Variants in EAPP observed in about 807,000 individuals in gnomAD.
EAPP encodes E2F-associated phosphoprotein.
A neutral mutation model predicts 34.3 loss-of-function variants in EAPP; 38 were observed. The ratio of observed to expected loss-of-function variants is 1.11; its 90% confidence interval spans 0.85 to 1.45. The LOEUF is 1.45. EAPP is among the 40% of genes most tolerant of loss of function. EAPP has a pLI of 0.00. For synonymous variants in EAPP, 113 were observed against 117.6 expected, an observed-to-expected ratio of 0.96 and a Z score of 0.25; for missense variants, 338 against 343.7, an observed-to-expected ratio of 0.98 and a Z score of 0.13.
intron 5 of EAPP, among the ~76,000 whole-genome samples, chr14:34,518,325 A>ATTTT (rs71404852): frequency 0.033 from 2,431 of 74,076 alleles, 550 homozygotes; most frequent in African/African-American, 0.11. Flanking sequence ...CTCCCTTTAG[A>ATTTT]TTTTTTTTTT....
chr14:34,524,253 G>C (rs919634646), intron 5 of EAPP, among the ~76,000 whole-genome samples: 2 of 152,156 alleles, frequency 1.3e-5, no homozygotes, highest in Non-Finnish European at 2.9e-5. Context: ...AGCCGGGTGT[G>C]GTGGCAGGCA....
chr14:34,538,721 T>C (rs922478539), intron 1 of EAPP, among the ~76,000 whole-genome samples: 2 of 152,220 alleles, frequency 1.3e-5, no homozygotes, highest in African/African-American at 4.8e-5. Context: ...CCAGCCAAAG[T>C]TGTTAATGAA....
In EAPP at chr14:34,525,801, C is replaced by T. The variant is rs984276522; in HGVS notation, c.471-994G>A. 5.3e-5 allele frequency among the ~76,000 whole-genome samples: 8 copies of T among 151,726 alleles called. No homozygotes were observed. In the East Asian group the frequency reaches 7.7e-4, roughly 15 times the overall value. On this transcript the variant is annotated intron_variant, in intron 4 of 5. Transcript: ENST00000250454. ...TTGGGAGGCCGAGGCGGGCGGATCA[C>T]GAAGTCAAGAGATCAAGACCATCCT...
Position 34,516,582 on chromosome 14 carries a change from C to T in EAPP, c.586G>A (p.Glu196Lys), listed in dbSNP as rs1371535885. ...TTLCLDCQRHESYKTQYRAMF... is the reference protein window; with the variant it reads ...TTLCLDCQRHKSYKTQYRAMF... Reference sequence around the variant, plus strand: ...GCTCTATATTGAGTTTTGTATGATTCATGCCTAAGAGAAAAATGAAATGGA... The same window carrying T: ...GCTCTATATTGAGTTTTGTATGATTTATGCCTAAGAGAAAAATGAAATGGA... Residue 196 changes from glutamate to lysine, a missense_variant, in exon 6 of 6, where the codon GAA becomes AAA. Transcript: ENST00000250454. 1.9e-6 allele frequency: 3 copies of T among 1,602,094 alleles called. No individual in the cohort carries two copies. The highest frequency in any genetic ancestry group is 2.6e-6 in the Non-Finnish European group (3 of 1,175,662).
intron 5 of EAPP, among the ~76,000 whole-genome samples, chr14:34,523,141 G>T (rs1879972114): frequency 6.6e-6 from 1 of 152,016 alleles, no homozygotes; most frequent in Non-Finnish European, 1.5e-5. Context: ...GGATACTGGT[G>T]GTGATAGCTT....
intron 4 of EAPP, among the ~76,000 whole-genome samples, chr14:34,526,118 C>T (rs1880087319): frequency 6.6e-6 from 1 of 151,518 alleles, no homozygotes; most frequent in African/African-American, 2.4e-5. Flanking sequence ...TTTTTAAAAA[C>T]AGTAAAGCTA....
rs1284691295 is a variant in EAPP, at chr14:34,536,255, A to AC, written c.94dup (p.Val32GlyfsTer8). ...TTGGTCAGGAGTTCCATGTAAAAGC[A>AC]CATCCACTTCATCCTCAGAGCTAGC... On this transcript the variant is annotated frameshift_variant, in exon 2 of 6. Transcript: ENST00000250454. LOFTEE classifies it high-confidence loss of function. The AC allele has an allele frequency of 6.2e-7, 1 of 1,609,730 alleles. No individual in the cohort carries two copies. The highest frequency in any genetic ancestry group is 8.5e-7 in the Non-Finnish European group (1 of 1,178,814).
At chr14:34,517,962 ACAGGGTTTCACCAGGTTGGT>A (rs1364142599) in intron 5 of EAPP, among the ~76,000 whole-genome samples, 1 of 151,736 alleles carries the variant, frequency 6.6e-6, no homozygotes, top group Non-Finnish European at 1.5e-5. Context: ...TTTAGTAGAG[ACAGGGTTTCACCAGGTTGGT>A]CAGGCTGGTC....
intron 3 of EAPP, among the ~76,000 whole-genome samples, chr14:34,531,677 T>C (rs1364583048): frequency 1.3e-5 from 2 of 152,178 alleles, no homozygotes; most frequent in Non-Finnish European, 2.9e-5. Flanking sequence ...AAAAGTATAA[T>C]ATTGTTCTTT....
At chr14:34,536,702 T>TTTTG (rs570284667) in intron 1 of EAPP, among the ~76,000 whole-genome samples, 21 of 152,048 alleles carry the variant, frequency 1.4e-4, no homozygotes, top group East Asian at 3.9e-4. Flanking sequence ...AGGATGGTTT[T>TTTTG]TTTGTTTGTT....
In EAPP at chr14:34,529,343, A is replaced by G; in HGVS notation, c.470+15T>C. On this transcript the variant is annotated intron_variant, in intron 4 of 5. Coordinates refer to ENST00000250454, the MANE Select transcript of EAPP (RefSeq NM_018453.4). ...TTTTTTCTAAAGATTCTAAATATTA[A>G]CTTTAAGTTCTTACCCCCTTCTCTG... is the stretch of plus-strand genomic sequence containing the variant. The G allele has an allele frequency of 6.6e-7, 1 of 1,519,370 alleles. No homozygotes were observed. The highest frequency in any genetic ancestry group is 9.1e-7 in the Non-Finnish European group (1 of 1,103,928). 94.1% of individuals were successfully genotyped at this position (1,519,370 alleles called of 1,614,324 possible).
chr14:34,536,659 T>C (rs1880487845), intron 1 of EAPP, among the ~76,000 whole-genome samples: 1 of 152,042 alleles, frequency 6.6e-6, no homozygotes, highest in South Asian at 2.1e-4. Flanking sequence ...TTTTGTTTAA[T>C]TTTTGTCGAA....
At chr14:34,525,811 A>G (rs1459830853) in intron 4 of EAPP, among the ~76,000 whole-genome samples, 1 of 151,942 alleles carries the variant, frequency 6.6e-6, no homozygotes, top group Non-Finnish European at 1.5e-5. Context: ...CGAAGTCAAG[A>G]GATCAAGACC....
At chr14:34,535,100 T>C (rs1206368838) in intron 2 of EAPP, among the ~76,000 whole-genome samples, 1 of 149,286 alleles carries the variant, frequency 6.7e-6, no homozygotes, top group African/African-American at 2.5e-5. Context: ...CCTCCCAAAG[T>C]GCTGGGATTA....
intron 5 of EAPP, 40 bp downstream of exon 5, chr14:34,524,657 A>ATGTG (rs367795110): frequency 0.01 from 8,610 of 854,990 alleles, 187 homozygotes; most frequent in African/African-American, 0.085. Flanking sequence ...CAAAATATGT[A>ATGTG]TGTGTGTGTG....
At chr14:34,530,982 G>T (rs12894795) in intron 3 of EAPP, among the ~76,000 whole-genome samples, 55,093 of 148,802 alleles carry the variant, frequency 0.37, 11,948 homozygotes, top group East Asian at 0.68. Context: ...AAAAAACTAT[G>T]GCCATCTACA....
chr14:34,528,891 C>T (rs1880183277), intron 4 of EAPP, among the ~76,000 whole-genome samples: 1 of 151,554 alleles, frequency 6.6e-6, no homozygotes, highest in Non-Finnish European at 1.5e-5. Flanking sequence ...AATCCCAGCA[C>T]TTTGGGAGGC....
chr14:34,539,081 G>C (rs1880569622), intron 1 of EAPP, among the ~76,000 whole-genome samples: 1 of 152,178 alleles, frequency 6.6e-6, no homozygotes. Flanking sequence ...AAAAAAGGCT[G>C]TTCAATATTC....
chr14:34,518,487 T>G (rs1245979249), intron 5 of EAPP, among the ~76,000 whole-genome samples: 2 of 151,828 alleles, frequency 1.3e-5, no homozygotes, highest in Non-Finnish European at 2.9e-5. Flanking sequence ...GCACCCGCCA[T>G]CATGCCCAGC....
Sources: allele counts gnomAD v4.1 joint callset (sites outside exome capture counted in the v4.1 genomes callset), GRCh38; gene constraint gnomAD v4.1.1; transcripts MANE v1.5; gene names NCBI Gene and HGNC (gene_info 2026-07-23, HGNC 2026-07-21).